Variants in BCL2L13 observed in about 807,000 individuals in gnomAD.
The protein encoded by BCL2L13 is bcl-2-like protein 13.
In BCL2L13, 13 loss-of-function variants were observed where a neutral mutation model predicts 25.8. The ratio of observed to expected loss-of-function variants is 0.50; its 90% CI spans 0.33 to 0.80. The LOEUF is 0.80. Among genes scored for constraint, BCL2L13 ranks in the 30% least tolerant of loss-of-function variants. The pLI is 0.02. For missense variants in BCL2L13, 504 were observed against 574.9 expected (o/e 0.88, Z 1.26); for synonymous variants, 244 against 230.3 (o/e 1.06, Z -0.54).
At chr22:17,639,628 T>C (rs1341116745) in intron 1 of BCL2L13, among the ~76,000 whole-genome samples, 2 of 152,210 alleles carry the variant, frequency 1.3e-5, no homozygotes, top group Non-Finnish European at 2.9e-5. Context: ...CAAGTGTTTG[T>C]TTATTCAAAA....
At chr22:17,678,814 T>C (rs1296242003) in intron 2 of BCL2L13, among the ~76,000 whole-genome samples, 1 of 152,214 alleles carries the variant, frequency 6.6e-6, no homozygotes, top group East Asian at 1.9e-4. Context: ...AAATAGCAGG[T>C]AGTCAATGTT....
chr22:17,664,305 C>G (rs2401165), intron 2 of BCL2L13, among the ~76,000 whole-genome samples: 1 of 151,966 alleles, frequency 6.6e-6, no homozygotes, highest in Admixed American at 6.6e-5. Flanking sequence ...TCTTAAAGCT[C>G]CAAAATGACC....
intron 6 of BCL2L13, among the ~76,000 whole-genome samples, chr22:17,720,007 G>A (rs1038062854): frequency 4.6e-5 from 7 of 152,222 alleles, no homozygotes; most frequent in African/African-American, 1.7e-4. Flanking sequence ...TGATTGCCAG[G>A]GGATGAAAAG....
intron 6 of BCL2L13, chr22:17,703,273 C>T (rs973119072): frequency 2.0e-5 from 3 of 152,068 alleles, no homozygotes; most frequent in African/African-American, 4.8e-5. Context: ...GAAGTCTGTA[C>T]GTGTCCATTT....
At chr22:17,656,655 T>C (rs1348746748) in intron 2 of BCL2L13, among the ~76,000 whole-genome samples, 1 of 152,054 alleles carries the variant, frequency 6.6e-6, no homozygotes, top group Non-Finnish European at 1.5e-5. Context: ...CTCATTTTAT[T>C]CTATTTGAAA....
intron 2 of BCL2L13, among the ~76,000 whole-genome samples, chr22:17,668,992 T>A (rs1054818740): frequency 1.3e-5 from 2 of 151,926 alleles, no homozygotes; most frequent in Admixed American, 1.3e-4. Context: ...GCTGGGTAAT[T>A]TATAAAGAAA....
chr22:17,639,658 G>C (rs529733592), intron 1 of BCL2L13, among the ~76,000 whole-genome samples: 4 of 152,138 alleles, frequency 2.6e-5, no homozygotes, highest in Non-Finnish European at 1.5e-5. Context: ...CACTGTCTCT[G>C]TTTAGAAGTT....
chr22:17,646,894 G>T (rs1271917219), intron 1 of BCL2L13, among the ~76,000 whole-genome samples: 4 of 13,442 alleles, frequency 3.0e-4, no homozygotes, highest in African/African-American at 5.8e-4. Context: ...TAATTTGTGT[G>T]TGTGTGTGTG....
intron 3 of BCL2L13, among the ~76,000 whole-genome samples, chr22:17,687,927 C>T (rs1000046453): frequency 6.6e-6 from 1 of 150,546 alleles, no homozygotes; most frequent in African/African-American, 2.4e-5. Context: ...AAGCGATTCT[C>T]CTGCCTCAGG....
intron 2 of BCL2L13, among the ~76,000 whole-genome samples, chr22:17,682,454 A>G (rs940554534): frequency 3.9e-5 from 6 of 152,234 alleles, no homozygotes; most frequent in Non-Finnish European, 5.9e-5. Flanking sequence ...TTAGGGATCT[A>G]TATAATTTGA....
intron 6 of BCL2L13, among the ~76,000 whole-genome samples, chr22:17,713,120 T>C (rs1050483171): frequency 6.6e-6 from 1 of 152,188 alleles, no homozygotes; most frequent in African/African-American, 2.4e-5. Context: ...TTAATTGTTA[T>C]GGGTTGTAAT....
At chr22:17,674,391 G>C (rs982219607) in intron 2 of BCL2L13, among the ~76,000 whole-genome samples, 3 of 152,048 alleles carry the variant, frequency 2.0e-5, no homozygotes, top group African/African-American at 7.2e-5. Flanking sequence ...CGGATCACAA[G>C]GTCAGGAGTT....
chr22:17,711,788 A>T (rs1025065612), intron 6 of BCL2L13, among the ~76,000 whole-genome samples: 1 of 152,192 alleles, frequency 6.6e-6, no homozygotes, highest in Non-Finnish European at 1.5e-5. Flanking sequence ...AATTCCTATC[A>T]GTTGTCACTT....
At chr22:17,670,996 C>T (rs1048371609) in intron 2 of BCL2L13, among the ~76,000 whole-genome samples, 3 of 152,176 alleles carry the variant, frequency 2.0e-5, no homozygotes, top group African/African-American at 7.2e-5. Context: ...CATAGTGGCT[C>T]ACACCTGTAA....
intron 2 of BCL2L13, among the ~76,000 whole-genome samples, chr22:17,679,944 G>A (rs2059685760): frequency 6.6e-6 from 1 of 152,016 alleles, no homozygotes; most frequent in South Asian, 2.1e-4. Flanking sequence ...CAGGCACGGT[G>A]GCTCACGCCT....
Position 17,729,044 on chromosome 22 carries a change from A to G in BCL2L13, c.*1510A>G, listed in dbSNP as rs369523864. On this transcript the variant is annotated 3_prime_UTR_variant, in exon 7 of 7. Coordinates refer to ENST00000317582, the MANE Select transcript of BCL2L13 (RefSeq NM_015367.4). Reference sequence around the variant, plus strand: ...GCAGGGCACACGTGGCTTGGTTTAAAAAGGTCATCTTAGATTTATCTTAGT... The same window carrying G: ...GCAGGGCACACGTGGCTTGGTTTAAGAAGGTCATCTTAGATTTATCTTAGT... The G allele has an allele frequency of 6.6e-6, 1 of 152,240 alleles. No individual in the cohort carries two copies. Among genetic ancestry groups the G allele is most frequent in the South Asian group, 2.1e-4 (1 of 4,832 alleles). The allele number at this position is 152,240 out of a possible 1,614,324, so 9.4% of individuals were successfully genotyped here. A position where few individuals can be genotyped will look rare whatever the true frequency, so the allele number is the denominator to read the frequency against.
At chr22:17,703,308 G>A (rs532457855) in intron 6 of BCL2L13, 12 of 152,192 alleles carry the variant, frequency 7.9e-5, no homozygotes, top group African/African-American at 2.7e-4. Context: ...TTAATAATAC[G>A]TATTTTAAAT....
intron 2 of BCL2L13, among the ~76,000 whole-genome samples, chr22:17,677,755 C>T (rs1230345818): frequency 2.6e-5 from 4 of 152,132 alleles, no homozygotes; most frequent in Non-Finnish European, 5.9e-5. Flanking sequence ...ACCTGTAGTT[C>T]TAGCTACTCA....
intron 6 of BCL2L13, among the ~76,000 whole-genome samples, chr22:17,720,617 C>T (rs551814683): frequency 5.3e-5 from 8 of 150,810 alleles, no homozygotes; most frequent in South Asian, 2.1e-4. Context: ...AGCCTGCCTC[C>T]GCCTCCCAAA....
Sources: allele counts gnomAD v4.1 joint callset (sites outside exome capture counted in the v4.1 genomes callset), GRCh38; gene constraint gnomAD v4.1.1; transcripts MANE v1.5; gene names NCBI Gene and HGNC (gene_info 2026-07-23, HGNC 2026-07-21).